NAV3: variants seen among roughly 807,000 people sequenced by gnomAD.
NAV3 encodes the protein neuron navigator 3.
In NAV3, 87 loss-of-function variants were observed where a neutral mutation model predicts 244.7. That is an observed-to-expected ratio of 0.36 (90% CI 0.30 to 0.42). The LOEUF (loss-of-function observed/expected upper bound fraction) is 0.42, where lower values mean the gene tolerates loss of function less well. Among genes scored for constraint, NAV3 ranks in the 20% least tolerant of loss-of-function variants. The pLI is 1.00. For missense variants in NAV3, 2,663 were observed against 2,893.3 expected (o/e 0.92, Z 1.83); for synonymous variants, 1,126 against 1,042.2 (o/e 1.08, Z -1.55).
intron 1 of NAV3, among the ~76,000 whole-genome samples, chr12:77,895,027 A>G (rs2136813330): frequency 6.6e-6 from 1 of 152,262 alleles, no homozygotes; most frequent in East Asian, 1.9e-4. Flanking sequence ...GCAGAGGAGT[A>G]ACTTATTAAA....
intron 1 of NAV3, among the ~76,000 whole-genome samples, chr12:77,858,073 A>C (rs1379117016): frequency 6.6e-6 from 1 of 152,086 alleles, no homozygotes; most frequent in Non-Finnish European, 1.5e-5. Context: ...TAGGAATTTT[A>C]AGGGGTCACT....
At chr12:77,577,711 G>T (rs920394553) in intron 2 of NAV3, among the ~76,000 whole-genome samples, 13 of 152,072 alleles carry the variant, frequency 8.5e-5, no homozygotes, top group African/African-American at 3.1e-4. Context: ...AATTATGACT[G>T]TAATTATAAT....
chr12:77,636,805 C>T (rs1320830689), intron 2 of NAV3, among the ~76,000 whole-genome samples: 1 of 152,116 alleles, frequency 6.6e-6, no homozygotes, highest in African/African-American at 2.4e-5. Context: ...GAGTACTATG[C>T]AGCCATGAAA....
At chr12:77,980,146 C>G (rs1001360158) in intron 5 of NAV3, among the ~76,000 whole-genome samples, 2 of 152,064 alleles carry the variant, frequency 1.3e-5, no homozygotes, top group African/African-American at 4.8e-5. Context: ...TTCCTTGACA[C>G]TATTTGGGTT....
At chr12:77,944,126 G>A (rs1397133133) in intron 3 of NAV3, among the ~76,000 whole-genome samples, 1 of 152,126 alleles carries the variant, frequency 6.6e-6, no homozygotes, top group Non-Finnish European at 1.5e-5. Context: ...GAGTAAGTTT[G>A]GTGCATTCCA....
chr12:77,631,339 A>C (rs1405179708), intron 2 of NAV3, among the ~76,000 whole-genome samples: 1 of 151,400 alleles, frequency 6.6e-6, no homozygotes, highest in Non-Finnish European at 1.5e-5. Context: ...TACTCCAGGG[A>C]ACAAATCCAT....
chr12:78,103,707 C>A (rs920759840), intron 12 of NAV3, among the ~76,000 whole-genome samples: 6 of 152,138 alleles, frequency 3.9e-5, no homozygotes, highest in Admixed American at 3.9e-4. Context: ...ATGATGGCAG[C>A]AAGAGAAAAT....
At chr12:77,596,475 T>A (rs1592488199) in intron 2 of NAV3, among the ~76,000 whole-genome samples, 1 of 152,268 alleles carries the variant, frequency 6.6e-6, no homozygotes, top group African/African-American at 2.4e-5. Context: ...ATTTCTAAAA[T>A]ATCGAGTAAA....
intron 3 of NAV3, among the ~76,000 whole-genome samples, chr12:77,956,285 G>GA (rs1193854896): frequency 1.3e-5 from 2 of 152,026 alleles, no homozygotes; most frequent in Non-Finnish European, 2.9e-5. Flanking sequence ...TGTTTAATGT[G>GA]AAAAATGAGA....
rs142366132 is a variant in NAV3, at chr12:77,615,643, C to T, written c.72+43377C>T. Among the ~76,000 whole-genome samples the T allele has an allele frequency of 5.3e-3, 801 of 152,186 alleles. 19 individuals are homozygous for T. Among genetic ancestry groups the T allele is most frequent in the Admixed American group, 0.049 (741 of 15,272 alleles). On this transcript the variant is annotated intron_variant, in intron 2 of 8. Transcript: ENST00000550042. ...CGTTGATGGGCATCTTTATTGATTC[C>T]ATTATTCGCTATTGTGAATGCTGCT...
Position 77,619,401 on chromosome 12 carries a change from C to T in NAV3, c.72+47135C>T, listed in dbSNP as rs566833299. Among the ~76,000 whole-genome samples, 3 of 152,312 alleles carry T rather than the reference C, an allele frequency of 2.0e-5. No homozygotes were observed. The East Asian group carries it at 5.8e-4, about 29-fold the overall frequency. The stretch of plus-strand genomic sequence containing the variant: ...TCAGACTAAATCTTTTCTACTGTCC[C>T]TTTGTTCTGACCAGAACAATTGCAT... On this transcript the variant is annotated intron_variant, in intron 2 of 8. Transcript: ENST00000550042.
At chr12:78,071,878 A>C (rs1043703480) in intron 12 of NAV3, among the ~76,000 whole-genome samples, 1 of 152,214 alleles carries the variant, frequency 6.6e-6, no homozygotes, top group African/African-American at 2.4e-5. Flanking sequence ...AGGATTAAGA[A>C]TCTCACTCAA....
intron 9 of NAV3, among the ~76,000 whole-genome samples, chr12:78,025,452 C>T (rs576401500): frequency 1.3e-5 from 2 of 151,738 alleles, no homozygotes; most frequent in South Asian, 2.1e-4. Flanking sequence ...AAACATTAGC[C>T]GGCTGCGGTG....
At position 77,651,361 on chromosome 12, in the gene NAV3, T is replaced by C. The variant is rs1374729116; in HGVS notation, c.72+79095T>C. ...AGACTTATTCTGACTGATCTATTCTTGTGTTTTATCCATTTTGTTGTTGAT... is the reference window on the plus strand; with the variant it reads ...AGACTTATTCTGACTGATCTATTCTCGTGTTTTATCCATTTTGTTGTTGAT... On this transcript the variant is annotated intron_variant, in intron 2 of 8. Coordinates refer to the NAV3 transcript ENST00000550042. Among the ~76,000 whole-genome samples, 4 of 152,328 alleles carry C rather than the reference T, an allele frequency of 2.6e-5. No individual in the cohort carries two copies. The East Asian group carries it at 7.7e-4, about 29-fold the overall frequency.
rs778638309 is a variant in NAV3, at chr12:77,994,778, A to C, written c.672-25A>C. ...CATGTTCAAAGAATCTCTTTAATTC[A>C]ATTTCTCTGTTTCTCCTCATACAGT... On this transcript the variant is annotated intron_variant, in intron 5 of 39. Coordinates refer to ENST00000397909, the MANE Select transcript of NAV3 (RefSeq NM_001024383.2). The C allele has an allele frequency of 6.9e-5, 109 of 1,579,274 alleles. No homozygotes were observed. In the East Asian group the frequency reaches 2.5e-3, roughly 36 times the overall value.
intron 2 of NAV3, among the ~76,000 whole-genome samples, chr12:77,662,710 T>C (rs893816663): frequency 6.6e-6 from 1 of 152,266 alleles, no homozygotes; most frequent in East Asian, 1.9e-4. Context: ...ATAGGTTTGA[T>C]GATTATATAT....
chr12:77,937,846 G>T lies in NAV3; in HGVS notation c.244-2473G>T, dbSNP rs1480936950. 7.2e-5 allele frequency among the ~76,000 whole-genome samples: 11 copies of T among 152,314 alleles called. No individual in the cohort carries two copies. In the East Asian group the frequency reaches 2.1e-3, roughly 29 times the overall value. On this transcript the variant is annotated intron_variant, in intron 1 of 39. Transcript: ENST00000397909. ...AAAATAAAACTAGATGCCATGTGATGATAATAATAGCAAGCATGTTTTTTC... is the reference window on the plus strand; with the variant it reads ...AAAATAAAACTAGATGCCATGTGATTATAATAATAGCAAGCATGTTTTTTC...
intron 1 of NAV3, among the ~76,000 whole-genome samples, chr12:77,902,716 G>A (rs1885453893): frequency 6.6e-6 from 1 of 152,166 alleles, no homozygotes; most frequent in Non-Finnish European, 1.5e-5. Context: ...CCTGTTTGCA[G>A]ATGACATGAT....
intron 24 of NAV3, among the ~76,000 whole-genome samples, chr12:78,172,417 T>G (rs1958040910): frequency 6.6e-6 from 1 of 151,640 alleles, no homozygotes; most frequent in Admixed American, 6.6e-5. Flanking sequence ...GTAAACAAAA[T>G]AGATACGGTC....
Sources: gnomAD v4.1 joint callset for allele counts (sites outside exome capture counted in the v4.1 genomes callset) on GRCh38, gnomAD v4.1.1 for gene constraint, MANE v1.5 for transcripts, NCBI Gene and HGNC (gene_info 2026-07-23, HGNC 2026-07-21) for gene names.